ADGRL2: variants seen among roughly 807,000 people sequenced by gnomAD.
ADGRL2 encodes calcium-independent alpha-latrotoxin receptor 2.
In ADGRL2, 44 loss-of-function variants were observed where a neutral mutation model predicts 157.4. That is an observed-to-expected ratio of 0.28 (90% confidence interval 0.22 to 0.36). ADGRL2 has a LOEUF of 0.36. Ranked by LOEUF, ADGRL2 falls within the 10% of genes least tolerant of loss-of-function variation. ADGRL2 has a pLI of 1.00. For missense variants in ADGRL2, 1,510 were observed against 1,768.9 expected (o/e 0.85, Z 2.63); for synonymous variants, 585 against 624.7 (o/e 0.94, Z 0.95).
chr1:81,766,695 TG>T (rs1228753097), intron 2 of ADGRL2, among the ~76,000 whole-genome samples: 2 of 151,764 alleles, frequency 1.3e-5, no homozygotes, highest in Non-Finnish European at 2.9e-5. Flanking sequence ...CCGGGCATGG[TG>T]GCACATGCCT....
intron 2 of ADGRL2, among the ~76,000 whole-genome samples, chr1:81,861,448 T>C (rs895154256): frequency 1.3e-5 from 2 of 152,250 alleles, no homozygotes; most frequent in African/African-American, 4.8e-5. Context: ...ATAAGAGATG[T>C]CAGAATATCA....
chr1:81,693,211 C>T (rs567340069), intron 3 of ADGRL2, among the ~76,000 whole-genome samples: 5 of 152,278 alleles, frequency 3.3e-5, no homozygotes, highest in Non-Finnish European at 5.9e-5. Context: ...TGTCCCCATA[C>T]GCTTGATGCT....
At chr1:81,960,767 CT>C (rs1333888463) in intron 11 of ADGRL2, among the ~76,000 whole-genome samples, 2 of 152,146 alleles carry the variant, frequency 1.3e-5, no homozygotes, top group Non-Finnish European at 2.9e-5. Flanking sequence ...GCCACCGCCC[CT>C]GGCCTTATTT....
At chr1:81,774,016 G>A (rs547300153) in intron 2 of ADGRL2, among the ~76,000 whole-genome samples, 2 of 152,286 alleles carry the variant, frequency 1.3e-5, no homozygotes, top group African/African-American at 2.4e-5. Flanking sequence ...TACAAGCCAA[G>A]GAGAGAGGCC....
intron 2 of ADGRL2, among the ~76,000 whole-genome samples, chr1:81,545,977 C>T (rs1223846962): frequency 6.6e-6 from 1 of 152,172 alleles, no homozygotes; most frequent in Non-Finnish European, 1.5e-5. Flanking sequence ...GTCGGCAGGC[C>T]TGGATCAGCT....
chr1:81,812,405 T>G (rs2089969018), intron 1 of ADGRL2, among the ~76,000 whole-genome samples: 1 of 151,758 alleles, frequency 6.6e-6, no homozygotes, highest in African/African-American at 2.4e-5. Flanking sequence ...TATCATTTCC[T>G]TTATTCATAG....
chr1:81,659,754 G>T (rs1388956889), intron 3 of ADGRL2, among the ~76,000 whole-genome samples: 1 of 152,086 alleles, frequency 6.6e-6, no homozygotes, highest in Non-Finnish European at 1.5e-5. Context: ...CATCCAACTG[G>T]TTTACCACAT....
At chr1:81,576,789 T>C (rs1439649979) in intron 2 of ADGRL2, among the ~76,000 whole-genome samples, 5 of 152,180 alleles carry the variant, frequency 3.3e-5, no homozygotes, top group Non-Finnish European at 5.9e-5. Flanking sequence ...TATGTATGTA[T>C]ATGTGTATGA....
chr1:81,844,838 G>T (rs2092724004), intron 2 of ADGRL2, among the ~76,000 whole-genome samples: 1 of 151,978 alleles, frequency 6.6e-6, no homozygotes, highest in South Asian at 2.1e-4. Context: ...TATCAGCATG[G>T]GACTCTCCTG....
chr1:81,644,285 G>C (rs1372539458), intron 3 of ADGRL2, among the ~76,000 whole-genome samples: 2 of 152,090 alleles, frequency 1.3e-5, no homozygotes, highest in African/African-American at 2.4e-5. Context: ...TAACGTAGGA[G>C]GAAATTTGAT....
intron 2 of ADGRL2, among the ~76,000 whole-genome samples, chr1:81,483,576 C>T (rs2078436820): frequency 6.6e-6 from 1 of 152,032 alleles, no homozygotes; most frequent in Non-Finnish European, 1.5e-5. Context: ...TATATTTCCC[C>T]CAGAAGCAAT....
chr1:81,505,493 A>G (rs1016054749), intron 2 of ADGRL2, among the ~76,000 whole-genome samples: 1 of 150,106 alleles, frequency 6.7e-6, no homozygotes, highest in African/African-American at 2.5e-5. Flanking sequence ...GCCTGGCCAC[A>G]CCGTTGGAGT....
intron 3 of ADGRL2, among the ~76,000 whole-genome samples, chr1:81,683,114 C>G (rs922583968): frequency 1.3e-5 from 2 of 152,084 alleles, no homozygotes; most frequent in Admixed American, 6.6e-5. Flanking sequence ...GCCTGGGTGA[C>G]AGAATGAGAC....
At chr1:81,329,336 C>T (rs2100683867) in intron 1 of ADGRL2, among the ~76,000 whole-genome samples, 1 of 152,148 alleles carries the variant, frequency 6.6e-6, no homozygotes, top group East Asian at 1.9e-4. Context: ...TCATTATCCA[C>T]CCCTATTTTG....
At position 81,575,904 on chromosome 1, in the gene ADGRL2, T is replaced by A. The variant is rs187958380; in HGVS notation, c.-247-4972T>A. On this transcript the variant is annotated intron_variant, in intron 2 of 24. Transcript: ENST00000370721. Reference sequence around the variant, plus strand: ...CAAATTTATACTACACAGAATAGCATAATAAAACCCCATGTACCCACTACT... The same window carrying A: ...CAAATTTATACTACACAGAATAGCAAAATAAAACCCCATGTACCCACTACT... Among the ~76,000 whole-genome samples the A allele has an allele frequency of 1.1e-3, 175 of 152,280 alleles. 1 individual carries two copies. Among genetic ancestry groups the A allele is most frequent in the Non-Finnish European group, 2.0e-3 (138 of 68,012 alleles).
At chr1:81,729,694 T>C (rs1016930678) in intron 1 of ADGRL2, among the ~76,000 whole-genome samples, 8 of 152,234 alleles carry the variant, frequency 5.3e-5, no homozygotes, top group African/African-American at 1.9e-4. Flanking sequence ...AACTGATTTC[T>C]GACAGTTAAT....
intron 1 of ADGRL2, among the ~76,000 whole-genome samples, chr1:81,825,834 T>C (rs1440785113): frequency 1.3e-5 from 2 of 152,116 alleles, no homozygotes; most frequent in African/African-American, 4.8e-5. Flanking sequence ...TCCAGTTTTA[T>C]ACACATTTAT....
intron 2 of ADGRL2, among the ~76,000 whole-genome samples, chr1:81,840,709 A>T (rs1232391129): frequency 6.6e-6 from 1 of 152,186 alleles, no homozygotes; most frequent in East Asian, 1.9e-4. Context: ...TTAATATTTT[A>T]CATATTCTCT....
intron 2 of ADGRL2, among the ~76,000 whole-genome samples, chr1:81,891,009 T>A (rs2094249625): frequency 6.6e-6 from 1 of 152,044 alleles, no homozygotes; most frequent in African/African-American, 2.4e-5. Context: ...TTACTGAACC[T>A]AGTTGGTTTA....
Sources: gnomAD v4.1 joint callset for allele counts (sites outside exome capture counted in the v4.1 genomes callset) on GRCh38, gnomAD v4.1.1 for gene constraint, MANE v1.5 for transcripts, NCBI Gene and HGNC (gene_info 2026-07-23, HGNC 2026-07-21) for gene names.